LCMT1: variants seen among roughly 807,000 people sequenced by gnomAD.
LCMT1 encodes the protein leucine carboxyl methyltransferase 1.
Under a neutral mutation model 47.7 loss-of-function variants are expected in LCMT1, and 32 were observed. That is an observed-to-expected ratio of 0.67 (90% CI 0.51 to 0.90). LCMT1 has a LOEUF of 0.90. Ranked by LOEUF, LCMT1 falls within the 40% of genes least tolerant of loss-of-function variation. LCMT1 has a pLI of 0.00. For synonymous variants in LCMT1, 152 were observed against 149.7 expected, an observed-to-expected ratio of 1.02 and a Z score of -0.11; for missense variants, 375 against 415.2, an observed-to-expected ratio of 0.90 and a Z score of 0.84.
At chr16:25,169,535 C>T (rs908656521) in intron 8 of LCMT1, 4 of 195,526 alleles carry the variant, frequency 2.0e-5, no homozygotes, top group African/African-American at 9.1e-5. Flanking sequence ...GTGTTATTTC[C>T]TATATTCCCC....
intron 9 of LCMT1, 78 bp downstream of exon 9, chr16:25,170,883 G>GA: frequency 1.1e-6 from 1 of 909,524 alleles, no homozygotes; most frequent in Admixed American, 2.3e-5. Flanking sequence ...CTTTCATGCA[G>GA]AAAAACAGAA....
At chr16:25,171,859 A>G (rs1054532292) in intron 9 of LCMT1, among the ~76,000 whole-genome samples, 3 of 152,204 alleles carry the variant, frequency 2.0e-5, no homozygotes, top group Non-Finnish European at 2.9e-5. Context: ...TCCTACATAG[A>G]TAGATAAATA....
At chr16:25,127,890 A>G (rs891947925) in intron 1 of LCMT1, among the ~76,000 whole-genome samples, 4 of 150,318 alleles carry the variant, frequency 2.7e-5, no homozygotes, top group Non-Finnish European at 5.9e-5. Context: ...TGTAGTATAG[A>G]CTGGCTAGAG....
Position 25,169,201 on chromosome 16 carries a change from A to T in LCMT1, c.780A>T (p.Ser260=), listed in dbSNP as rs1366734272. The T allele has an allele frequency of 2.5e-6, 4 of 1,608,756 alleles. No homozygotes were observed. The Admixed American group carries it at 5.0e-5, about 20-fold the overall frequency. ...CDLAGVETCK[S]LESQKERLLS... is the part of the protein sequence containing the mutation. ...TGGCGGGAGTGGAGACCTGCAAGTC[A>T]TTAGAGTCACAGGTCAGAGAGCAGG... The change falls in exon 8 of 11, where the codon TCA becomes TCT. Residue 260 remains serine, a synonymous_variant. Coordinates refer to ENST00000399069, the MANE Select transcript of LCMT1 (RefSeq NM_016309.3).
intron 3 of LCMT1, among the ~76,000 whole-genome samples, chr16:25,133,914 C>T (rs185023794): frequency 4.0e-5 from 6 of 151,716 alleles, no homozygotes; most frequent in African/African-American, 1.4e-4. Flanking sequence ...CACCCGTAAT[C>T]CTAGCTACAT....
intron 5 of LCMT1, among the ~76,000 whole-genome samples, chr16:25,153,560 C>T (rs1961143807): frequency 7.3e-6 from 1 of 136,322 alleles, no homozygotes; most frequent in South Asian, 2.5e-4. Flanking sequence ...CCTTTCAACA[C>T]TGTTGCATGG....
At chr16:25,123,648 C>T (rs1960070247) in intron 1 of LCMT1, among the ~76,000 whole-genome samples, 1 of 142,772 alleles carries the variant, frequency 7.0e-6, no homozygotes, top group Non-Finnish European at 1.5e-5. Context: ...TGCTCTGTCA[C>T]CCAGGCTGGA....
Position 25,169,152 on chromosome 16 carries a change from AC to A in LCMT1, c.733del (p.Leu245CysfsTer17). ...GDRFGQIMIE[N>X]LRRRQCDLAG... ...CGGTTTGGGCAGATCATGATTGAAA[AC>A]CTGCGGAGACGCCAGTGTGACCTGG... On this transcript the variant is annotated frameshift_variant, in exon 8 of 11. Transcript: ENST00000399069. LOFTEE classifies it high-confidence loss of function. The A allele has an allele frequency of 6.2e-7, 1 of 1,613,488 alleles. No individual in the cohort carries two copies.
intron 5 of LCMT1, among the ~76,000 whole-genome samples, chr16:25,155,854 A>AT (rs994591641): frequency 4.0e-5 from 6 of 151,466 alleles, no homozygotes; most frequent in African/African-American, 9.7e-5. Flanking sequence ...ATGATTTTAA[A>AT]TTTTTTGGGG....
chr16:25,169,251 T>A (rs758392784), intron 8 of LCMT1, 38 bp downstream of exon 8: 4 of 1,332,694 alleles, frequency 3.0e-6, no homozygotes, highest in Non-Finnish European at 3.2e-6. Flanking sequence ...TTTGGACCCT[T>A]AGTCAACCAA....
Position 25,111,912 on chromosome 16 carries a change from T to G in LCMT1, c.29T>G (p.Ile10Ser). MATRQRESS[I>S]TSCCSTSSCD... ...GCCACTAGGCAGAGGGAATCCTCTA[T>G]CACCTCCTGCTGTTCCACCTCGAGC... is the stretch of plus-strand genomic sequence containing the variant. Residue 10 changes from isoleucine (I) to serine (S), a missense_variant, in exon 1 of 11, where the codon ATC becomes AGC. Physicochemically the swap from Ile to Ser is moderately radical, Grantham distance 142. Coordinates refer to ENST00000399069, the MANE Select transcript of LCMT1 (RefSeq NM_016309.3). 9.9e-6 allele frequency: 16 copies of G among 1,613,348 alleles called. No homozygotes were observed. The highest frequency in any genetic ancestry group is 1.4e-5 in the Non-Finnish European group (16 of 1,179,610).
At chr16:25,141,898 T>C (rs1195491620) in intron 4 of LCMT1, 2 of 152,206 alleles carry the variant, frequency 1.3e-5, no homozygotes, top group African/African-American at 4.8e-5. Context: ...TGTCTGACAG[T>C]ATGCAAAGCC....
At chr16:25,177,182 G>GAA (rs1244581268) in intron 10 of LCMT1, among the ~76,000 whole-genome samples, 1 of 140,834 alleles carries the variant, frequency 7.1e-6, no homozygotes, top group Non-Finnish European at 1.6e-5. Context: ...TCTGTCTCCA[G>GAA]AAAAAAAAAA....
rs1959843392 is a variant in LCMT1 at position 25,117,766 on chromosome 16, CGCTTGAACTGG to C, written c.113+5772_113+5782del. 5.3e-5 allele frequency among the ~76,000 whole-genome samples: 8 copies of C among 151,692 alleles called. No individual in the cohort carries two copies. In the South Asian group the frequency reaches 1.7e-3, roughly 32 times the overall value. On this transcript the variant is annotated intron_variant, in intron 1 of 10. Transcript: ENST00000399069. ...TATTGGGAGGCTGAGATGGGAGAAT[CGCTTGAACTGG>C]GGAAGTAGAGGTTGCAGAGTACTGG... is the stretch of plus-strand genomic sequence containing the variant.
At chr16:25,176,971 G>A (rs1357508622) in intron 10 of LCMT1, among the ~76,000 whole-genome samples, 1 of 151,714 alleles carries the variant, frequency 6.6e-6, no homozygotes, top group African/African-American at 2.4e-5. Context: ...CCTGAGGTCA[G>A]GAGTTCGAAA....
At chr16:25,170,607 G>T (rs1247801934) in intron 8 of LCMT1, 107 bp from the exon 9 acceptor site, 5 of 866,804 alleles carry the variant, frequency 5.8e-6, no homozygotes, top group African/African-American at 3.3e-5. Context: ...TTCAGCCTGG[G>T]CAACAGAATG....
intron 4 of LCMT1, among the ~76,000 whole-genome samples, chr16:25,149,668 C>T (rs1185536283): frequency 8.5e-5 from 13 of 152,214 alleles, no homozygotes; most frequent in Non-Finnish European, 5.9e-5. Context: ...AATCCCAGCA[C>T]TTTGGAAGGC....
At position 25,165,981 on chromosome 16, in the gene LCMT1, G is replaced by C. The variant is rs188925614; in HGVS notation, c.690+1263G>C. Among the ~76,000 whole-genome samples, 12 of 152,108 alleles carry C rather than the reference G, an allele frequency of 7.9e-5. No homozygotes were observed. In the East Asian group the frequency reaches 2.1e-3, roughly 27 times the overall value. Reference sequence around the variant, plus strand: ...TCTCTGAGCCCCAGTTCTTTGTTTTGAACTGGGTGGGTGCGGTGGCTCACG... The same window carrying C: ...TCTCTGAGCCCCAGTTCTTTGTTTTCAACTGGGTGGGTGCGGTGGCTCACG... On this transcript the variant is annotated intron_variant, in intron 7 of 10. Transcript: ENST00000399069.
intron 5 of LCMT1, among the ~76,000 whole-genome samples, chr16:25,160,073 A>T: frequency 6.6e-6 from 1 of 151,582 alleles, no homozygotes. Context: ...TCAAGCCTCG[A>T]GAGTAGCTGG....
Sources: allele counts gnomAD v4.1 joint callset (sites outside exome capture counted in the v4.1 genomes callset), GRCh38; gene constraint gnomAD v4.1.1; transcripts MANE v1.5; gene names NCBI Gene and HGNC (gene_info 2026-07-23, HGNC 2026-07-21).